MRC1: variants seen among roughly 807,000 people sequenced by gnomAD.
MRC1 encodes mannose receptor C-type 1.
MRC1 carries 62 observed loss-of-function variants against 102.9 expected under a neutral mutation model. The ratio of observed to expected loss-of-function variants is 0.60; its 90% CI spans 0.49 to 0.74. The LOEUF is 0.74. Among genes scored for constraint, MRC1 ranks in the 30% least tolerant of loss-of-function variants. MRC1 has a pLI of 0.00. For synonymous variants in MRC1, 457 were observed against 298.4 expected (o/e 1.53, Z -5.48); for missense variants, 1,237 against 862.8 (o/e 1.43, Z -5.43).
intron 4 of MRC1, among the ~76,000 whole-genome samples, chr10:17,839,892 C>A (rs992674870): frequency 2.0e-5 from 3 of 149,834 alleles, no homozygotes; most frequent in Non-Finnish European, 4.4e-5. Context: ...AATGTCATCC[C>A]TCCTAAAAAT....
chr10:17,876,393 G>A (rs940904358), intron 17 of MRC1, among the ~76,000 whole-genome samples: 2 of 151,816 alleles, frequency 1.3e-5, no homozygotes, highest in Non-Finnish European at 2.9e-5. Context: ...GACTACAGGC[G>A]CACACCACCA....
chr10:17,820,650 C>G (rs2130586035), intron 1 of MRC1, among the ~76,000 whole-genome samples: 1 of 151,772 alleles, frequency 6.6e-6, no homozygotes, highest in Non-Finnish European at 1.5e-5. Flanking sequence ...TATTACTAAG[C>G]AAAGCTATCT....
intron 10 of MRC1, chr10:17,863,114 T>C (rs930012922): frequency 3.5e-4 from 63 of 181,934 alleles, no homozygotes; most frequent in African/African-American, 1.4e-3. Flanking sequence ...GTATTATCCT[T>C]GATAATGTTA....
chr10:17,812,953 TG>T (rs1838248280), intron 1 of MRC1, among the ~76,000 whole-genome samples: 1 of 151,898 alleles, frequency 6.6e-6, no homozygotes, highest in South Asian at 2.1e-4. Context: ...GCTCAAACAG[TG>T]GGTCAGGTAG....
chr10:17,809,498 T>C lies in MRC1; in HGVS notation c.33T>C (p.Ser11=). 1 of 872,808 alleles carries C rather than the reference T, an allele frequency of 1.1e-6. No homozygotes were observed. The highest frequency in any genetic ancestry group is 2.0e-6 in the Non-Finnish European group (1 of 501,522). 54.1% of individuals were successfully genotyped at this position (872,808 alleles called of 1,614,324 possible). ...TACCCCTGCTCCTGGTTTTTGCCTC[T>C]GTCATTCCGGGTGCTGTTCTCCTAC... MRLPLLLVFA[S]VIPGAVLLLD... The change falls in exon 1 of 30, where the codon TCT becomes TCC. Residue 11 remains serine (S), a synonymous_variant. Transcript: ENST00000569591.
intron 22 of MRC1, among the ~76,000 whole-genome samples, chr10:17,887,414 A>C (rs1554842823): frequency 6.6e-6 from 1 of 152,102 alleles, no homozygotes; most frequent in Non-Finnish European, 1.5e-5. Context: ...ACAAAACAAA[A>C]CAAACAAACA....
At chr10:17,835,948 C>T (rs1838656154) in intron 4 of MRC1, among the ~76,000 whole-genome samples, 1 of 152,200 alleles carries the variant, frequency 6.6e-6, no homozygotes, top group African/African-American at 2.4e-5. Flanking sequence ...TGTGTTAGTT[C>T]CTGCTGTATC....
At chr10:17,832,688 C>T (rs990528810) in intron 3 of MRC1, among the ~76,000 whole-genome samples, 5 of 150,986 alleles carry the variant, frequency 3.3e-5, no homozygotes, top group Non-Finnish European at 5.9e-5. Context: ...CCCGGGTTCA[C>T]GCCATTCTCC....
intron 19 of MRC1, 110 bp downstream of exon 19, chr10:17,879,931 G>C (rs1833490605): frequency 2.6e-6 from 2 of 763,576 alleles, no homozygotes; most frequent in African/African-American, 1.7e-5. Context: ...GATAAGAAGA[G>C]AGAATAAAGG....
intron 16 of MRC1, 25 bp downstream of exon 16, chr10:17,873,850 C>G (rs1156337329): frequency 5.7e-6 from 5 of 872,068 alleles, no homozygotes; most frequent in Non-Finnish European, 1.0e-5. Flanking sequence ...ATTTTCTGAT[C>G]TCTGTACTGA....
chr10:17,810,046 C>T (rs1564606359), intron 1 of MRC1, among the ~76,000 whole-genome samples: 1 of 148,542 alleles, frequency 6.7e-6, no homozygotes, highest in Non-Finnish European at 1.5e-5. Context: ...CTGCCAGAAT[C>T]ATTCAGACAC....
chr10:17,823,170 C>T lies in MRC1; in HGVS notation c.158C>T (p.Ala53Val), dbSNP rs140781588. The change falls in exon 2 of 30, where the codon GCC becomes GTC. Residue 53 changes from alanine (A) to valine (V), a missense_variant. Transcript: ENST00000569591. ...CAAACCGCAGCTTGCAACCAGGATG[C>T]CGAATCACAGAAATTCCGATGGGTG... ...AVQTAACNQD[A>V]ESQKFRWVSE... is the part of the protein sequence containing the mutation. The T allele has an allele frequency of 5.4e-4, 420 of 780,816 alleles. No homozygotes were observed. In the African/African-American group the frequency reaches 6.1e-3, roughly 11 times the overall value. 48.4% of individuals were successfully genotyped at this position (780,816 alleles called of 1,614,324 possible).
intron 1 of MRC1, among the ~76,000 whole-genome samples, chr10:17,814,945 C>T (rs920307425): frequency 2.6e-5 from 4 of 151,954 alleles, no homozygotes; most frequent in African/African-American, 2.4e-5. Context: ...GGATTACAGG[C>T]GGGAGCCACC....
intron 21 of MRC1, among the ~76,000 whole-genome samples, chr10:17,884,161 G>A (rs1055279997): frequency 2.6e-5 from 4 of 152,102 alleles, no homozygotes; most frequent in Non-Finnish European, 5.9e-5. Flanking sequence ...TAGAGACAGG[G>A]TGTCGCCATG....
At chr10:17,828,111 G>C (rs933797752) in intron 3 of MRC1, among the ~76,000 whole-genome samples, 12 of 152,290 alleles carry the variant, frequency 7.9e-5, no homozygotes, top group Middle Eastern at 3.4e-3. Context: ...GAGTCTCGCT[G>C]TGTCTCCCAG....
At chr10:17,814,881 T>C (rs1210387835) in intron 1 of MRC1, among the ~76,000 whole-genome samples, 1 of 151,766 alleles carries the variant, frequency 6.6e-6, no homozygotes, top group Non-Finnish European at 1.5e-5. Context: ...ACCAGGCTGA[T>C]CTCGAACTCC....
chr10:17,886,125 C>T (rs1481355095), intron 22 of MRC1, among the ~76,000 whole-genome samples: 7 of 152,118 alleles, frequency 4.6e-5, no homozygotes, highest in Non-Finnish European at 7.4e-5. Context: ...GTGACAGCAT[C>T]AGCTATAAAC....
At chr10:17,843,324 C>G (rs1838777835) in intron 5 of MRC1, among the ~76,000 whole-genome samples, 2 of 152,000 alleles carry the variant, frequency 1.3e-5, no homozygotes, top group African/African-American at 4.8e-5. Context: ...TTTAAGATAC[C>G]TTTATGCTTA....
chr10:17,841,825 T>A (rs977288826), intron 5 of MRC1, among the ~76,000 whole-genome samples: 1 of 151,776 alleles, frequency 6.6e-6, no homozygotes, highest in East Asian at 1.9e-4. Flanking sequence ...AAGTATCATA[T>A]TGGTCACATC....
Sources: allele counts gnomAD v4.1 joint callset (sites outside exome capture counted in the v4.1 genomes callset), GRCh38; gene constraint gnomAD v4.1.1; transcripts MANE v1.5; gene names NCBI Gene and HGNC (gene_info 2026-07-23, HGNC 2026-07-21).